The following POLR1D variants were observed in gnomAD, a reference collection of about 807,000 sequenced individuals.
POLR1D encodes DNA-directed RNA polymerases I and III subunit RPAC2.
A neutral mutation model predicts 10.8 loss-of-function variants in POLR1D; 8 were observed. The ratio of observed to expected loss-of-function variants is 0.74; its 90% CI spans 0.43 to 1.33. The LOEUF (loss-of-function observed/expected upper bound fraction) is 1.33. Ranked by LOEUF, POLR1D falls within the 40% of genes most tolerant of loss-of-function variation. The probability of loss-of-function intolerance (pLI) is 0.01; values close to 1 mark genes in which losing one functional copy is unlikely to be tolerated. For missense variants in POLR1D, 152 were observed against 161.7 expected (o/e 0.94, Z 0.32); for synonymous variants, 54 against 57.2 (o/e 0.94, Z 0.25).
At chr13:27,629,719 G>T (rs1264552727) in intron 1 of POLR1D, among the ~76,000 whole-genome samples, 10 of 152,082 alleles carry the variant, frequency 6.6e-5, no homozygotes, top group Admixed American at 6.5e-4. Flanking sequence ...TTTTTAAAAA[G>T]AAATTAAGAT....
intron 1 of POLR1D, among the ~76,000 whole-genome samples, chr13:27,638,926 T>C (rs545438099): frequency 4.6e-5 from 7 of 152,342 alleles, no homozygotes; most frequent in Non-Finnish European, 8.8e-5. Context: ...AGGCAAACTT[T>C]AGAGGCTTAT....
chr13:27,622,826 C>G (rs1955961922), intron 1 of POLR1D, 49 bp from the exon 2 acceptor site: 1 of 1,239,424 alleles, frequency 8.1e-7, no homozygotes, highest in Admixed American at 1.8e-5. Context: ...AAGCTAGTTA[C>G]AAAACAATAT....
downstream of POLR1D, among the ~76,000 whole-genome samples, chr13:27,626,857 CTAAT>C (rs1445223176): frequency 6.6e-6 from 1 of 152,182 alleles, no homozygotes; most frequent in Non-Finnish European, 1.5e-5. Flanking sequence ...TCTAAGTACT[CTAAT>C]TAGTTGGCAT....
At chr13:27,630,787 G>A (rs995233600) in intron 1 of POLR1D, among the ~76,000 whole-genome samples, 2 of 152,144 alleles carry the variant, frequency 1.3e-5, no homozygotes, top group African/African-American at 4.8e-5. Flanking sequence ...TCAATTAGTG[G>A]GAGTTAAACT....
intron 2 of POLR1D, among the ~76,000 whole-genome samples, chr13:27,655,696 AT>A (rs1437669822): frequency 6.6e-6 from 1 of 152,198 alleles, no homozygotes; most frequent in East Asian, 1.9e-4. Context: ...CAGCTAAGAT[AT>A]TTTTGGGAGG....
chr13:27,622,489 C>T, intron 1 of POLR1D: 2 of 301,062 alleles, frequency 6.6e-6, no homozygotes, highest in South Asian at 7.8e-5. Context: ...CATCTGTATC[C>T]TCTATTTTTA....
intron 1 of POLR1D, among the ~76,000 whole-genome samples, chr13:27,634,752 T>A (rs577407795): frequency 5.9e-4 from 89 of 150,068 alleles, no homozygotes; most frequent in Admixed American, 1.2e-3. Flanking sequence ...CTTGACTCAC[T>A]GCAGCCTTGA....
Position 27,663,685 on chromosome 13 carries a change from T to C in POLR1D, c.102-2001T>C, listed in dbSNP as rs1350621318. ...CCAGTAGTTACCAAAGGTTTTGTTC[T>C]GAGATCCTGGATTACCATCACGTCT... On this transcript the variant is annotated intron_variant, in intron 2 of 2. Transcript: ENST00000399697. The surrounding 1 kb of genome is among the most constrained non-coding windows in gnomAD (Gnocchi z 4.1). Among the ~76,000 whole-genome samples the C allele has an allele frequency of 1.3e-5, 2 of 152,226 alleles. No homozygotes were observed. The highest frequency in any genetic ancestry group is 2.9e-5 in the Non-Finnish European group (2 of 68,036).
At chr13:27,665,574 A>C in intron 2 of POLR1D, 1 of 987,426 alleles carries the variant, frequency 1.0e-6, no homozygotes, top group Non-Finnish European at 1.6e-6. Context: ...ACAAATTCAG[A>C]AACTCGATTC....
At chr13:27,634,675 CTTT>C (rs369618281) in intron 1 of POLR1D, among the ~76,000 whole-genome samples, 8 of 124,982 alleles carry the variant, frequency 6.4e-5, no homozygotes, top group African/African-American at 9.1e-5. Flanking sequence ...ATAGACTCTG[CTTT>C]TTTTTTTTTT....
At chr13:27,655,526 C>G (rs1004439830) in intron 2 of POLR1D, among the ~76,000 whole-genome samples, 2 of 152,100 alleles carry the variant, frequency 1.3e-5, no homozygotes, top group African/African-American at 4.8e-5. Context: ...ATTATGTTTT[C>G]TTGATTAGAT....
intron 1 of POLR1D, among the ~76,000 whole-genome samples, chr13:27,637,944 G>C (rs636085): frequency 0.69 from 104,199 of 151,720 alleles, 37,847 homozygotes; most frequent in East Asian, 0.85. Flanking sequence ...TTTTTTTTTT[G>C]TATAGTATAT....
chr13:27,635,535 A>G (rs1214453866), intron 1 of POLR1D, among the ~76,000 whole-genome samples: 2 of 151,986 alleles, frequency 1.3e-5, no homozygotes, highest in African/African-American at 2.4e-5. Flanking sequence ...TGGTGAGGTA[A>G]TATATATTAT....
At chr13:27,626,890 G>C (rs552641229), downstream of POLR1D, among the ~76,000 whole-genome samples, 2 of 152,316 alleles carry the variant, frequency 1.3e-5, no homozygotes, top group Admixed American at 1.3e-4. Context: ...GGTTCACACA[G>C]AATCTCGAGA....
In POLR1D at chr13:27,663,881, A is replaced by G. The variant is rs902458080; in HGVS notation, c.102-1805A>G. Among the ~76,000 whole-genome samples the G allele has an allele frequency of 2.0e-5, 3 of 152,210 alleles. No homozygotes were observed. The highest frequency in any genetic ancestry group is 7.2e-5 in the African/African-American group (3 of 41,456). On this transcript the variant is annotated intron_variant, in intron 2 of 2. Coordinates refer to the POLR1D transcript ENST00000399697. This position sits in a 1 kb window ranked among gnomAD's most constrained non-coding sequence, Gnocchi z 4.1. ...AGAGACATATGTAGTTCATTTGTCT[A>G]TAAAAAAGATTTTGCTCTTGTAGTA... is the stretch of plus-strand genomic sequence containing the variant.
downstream of POLR1D, among the ~76,000 whole-genome samples, chr13:27,627,727 G>GTTT (rs57621806): frequency 5.6e-3 from 536 of 95,370 alleles, 17 homozygotes; most frequent in African/African-American, 0.016. Context: ...TAAAGTTTTA[G>GTTT]TTTTTTTTTT....
chr13:27,636,011 G>A (rs1048599555), intron 1 of POLR1D, among the ~76,000 whole-genome samples: 19 of 152,084 alleles, frequency 1.2e-4, no homozygotes, highest in African/African-American at 4.6e-4. Context: ...ACTATATAAA[G>A]ATAGAACAGT....
At chr13:27,653,299 G>C (rs1389138069) in intron 2 of POLR1D, among the ~76,000 whole-genome samples, 2 of 152,006 alleles carry the variant, frequency 1.3e-5, no homozygotes, top group Non-Finnish European at 2.9e-5. Context: ...TTCATAGGCA[G>C]TTGCGTGGCA....
chr13:27,629,609 T>G (rs1269443765), intron 1 of POLR1D, among the ~76,000 whole-genome samples: 1 of 152,222 alleles, frequency 6.6e-6, no homozygotes, highest in African/African-American at 2.4e-5. Flanking sequence ...TGGAAGGTTA[T>G]CAGTCTGTTA....
Sources: allele counts gnomAD v4.1 joint callset (sites outside exome capture counted in the v4.1 genomes callset), GRCh38; gene constraint gnomAD v4.1.1; non-coding constraint Gnocchi (gnomAD v3.1); transcripts MANE v1.5; gene names NCBI Gene and HGNC (gene_info 2026-07-23, HGNC 2026-07-21).